OVCH1: variants seen among roughly 807,000 people sequenced by gnomAD.
OVCH1 encodes ovochymase 1, also known as ovochymase-1.
A neutral mutation model predicts 138.4 loss-of-function variants in OVCH1; 139 were observed. The ratio of observed to expected loss-of-function variants is 1.00; its 90% CI spans 0.87 to 1.16. The LOEUF (loss-of-function observed/expected upper bound fraction) is 1.16. Ranked by LOEUF, OVCH1 falls within the 50% of genes most tolerant of loss-of-function variation. The pLI is 0.00. For synonymous variants in OVCH1, 453 were observed against 467.8 expected (o/e 0.97, Z 0.41); for missense variants, 1,367 against 1,357.9 (o/e 1.01, Z -0.11).
At chr12:29,482,308 T>C (rs895511496) in intron 8 of OVCH1, among the ~76,000 whole-genome samples, 16 of 152,130 alleles carry the variant, frequency 1.1e-4, no homozygotes, top group Non-Finnish European at 1.8e-4. Flanking sequence ...CTTTCCAAAA[T>C]GATCATATAA....
chr12:29,407,699 G>A (rs1007157620), downstream of OVCH1, among the ~76,000 whole-genome samples: 54 of 152,038 alleles, frequency 3.6e-4, no homozygotes, highest in Non-Finnish European at 6.6e-4. Context: ...ATGCTGTTTT[G>A]GTTACTGTAG....
chr12:29,453,489 T>C (rs1941856328), intron 21 of OVCH1, among the ~76,000 whole-genome samples: 1 of 152,108 alleles, frequency 6.6e-6, no homozygotes, highest in African/African-American at 2.4e-5. Context: ...CCCTAGACAC[T>C]TGATCAGTAG....
intron 22 of OVCH1, among the ~76,000 whole-genome samples, chr12:29,449,276 T>TACACACAC (rs10651165): frequency 1.7e-3 from 227 of 137,436 alleles, no homozygotes; most frequent in African/African-American, 3.6e-3. Flanking sequence ...CCCCCCTCCC[T>TACACACAC]ACACACACAC....
At chr12:29,472,636 G>A (rs1942552781) in intron 15 of OVCH1, among the ~76,000 whole-genome samples, 1 of 152,184 alleles carries the variant, frequency 6.6e-6, no homozygotes, top group Non-Finnish European at 1.5e-5. Flanking sequence ...GTGGAACAAT[G>A]AGGGATCATA....
Position 29,487,714 on chromosome 12 carries a change from T to TA in OVCH1, c.870dup (p.Ile291TyrfsTer52), listed in dbSNP as rs759534996. 334 of 1,599,370 alleles carry TA rather than the reference T, an allele frequency of 2.1e-4. No individual in the cohort carries two copies. Among genetic ancestry groups the TA allele is most frequent in the Non-Finnish European group, 2.6e-4 (307 of 1,171,556 alleles). On this transcript the variant is annotated frameshift_variant, in exon 7 of 28. Coordinates refer to ENST00000318184, the Ensembl canonical transcript of OVCH1. LOFTEE classifies it high-confidence loss of function. ...CTACCTGTGAACAGGTTTTGAGTGA[T>TA]AAAATCCATCAACTCAGACACTTTG... is the stretch of plus-strand genomic sequence containing the variant.
intron 5 of OVCH1, among the ~76,000 whole-genome samples, chr12:29,490,413 ATTG>A (rs1340330421): frequency 1.3e-5 from 2 of 152,190 alleles, no homozygotes; most frequent in South Asian, 2.1e-4. Flanking sequence ...ATCACAATGT[ATTG>A]TTGTCAAGCT....
chr12:29,424,887 A>C (rs1430968451), downstream of OVCH1, among the ~76,000 whole-genome samples: 1 of 152,250 alleles, frequency 6.6e-6, no homozygotes, highest in African/African-American at 2.4e-5. Flanking sequence ...AAACCTCAGC[A>C]AAATTTTTAC....
At chr12:29,431,145 T>C (rs919692209) in intron 27 of OVCH1, among the ~76,000 whole-genome samples, 2 of 152,070 alleles carry the variant, frequency 1.3e-5, no homozygotes, top group African/African-American at 4.8e-5. Context: ...AAGGAGGAGA[T>C]AAAAAGTTGT....
intron 5 of OVCH1, among the ~76,000 whole-genome samples, chr12:29,490,242 AT>A (rs1215143426): frequency 6.6e-6 from 1 of 151,486 alleles, no homozygotes; most frequent in Non-Finnish European, 1.5e-5. Context: ...TTTATTTTTT[AT>A]TTATTTATTT....
intron 27 of OVCH1, chr12:29,433,608 AC>A: frequency 1.3e-6 from 1 of 790,572 alleles, no homozygotes; most frequent in Non-Finnish European, 1.8e-6. Flanking sequence ...TATGGCAGGG[AC>A]TGTCTTGTTC....
chr12:29,483,107 C>T (rs1942986009), intron 8 of OVCH1, among the ~76,000 whole-genome samples: 1 of 152,180 alleles, frequency 6.6e-6, no homozygotes, highest in African/African-American at 2.4e-5. Context: ...CCTCTTCAGT[C>T]TTCTTTGGAT....
intron 8 of OVCH1, among the ~76,000 whole-genome samples, chr12:29,483,090 C>T (rs1942985235): frequency 6.6e-6 from 1 of 152,164 alleles, no homozygotes; most frequent in South Asian, 2.1e-4. Flanking sequence ...CAAGACACTT[C>T]CCTCCTCCTC....
chr12:29,411,785 T>C (rs12372568), downstream of OVCH1, among the ~76,000 whole-genome samples: 82,173 of 147,388 alleles, frequency 0.56, 25,081 homozygotes, highest in Middle Eastern at 0.77. Flanking sequence ...GCAGTCTGCC[T>C]GTTCTCAGAT....
chr12:29,473,964 T>A (rs1942605443), intron 14 of OVCH1, among the ~76,000 whole-genome samples: 1 of 152,004 alleles, frequency 6.6e-6, no homozygotes, highest in African/African-American at 2.4e-5. Flanking sequence ...GGACTCCAAG[T>A]TCTTCAGTTT....
At chr12:29,477,404 C>T in exon 11 of OVCH1, 1 of 1,613,992 alleles carries the variant, frequency 6.2e-7, no homozygotes, top group Non-Finnish European at 8.5e-7. Flanking sequence ...TCTTCTGTAT[C>T]AGAAACAAAT....
chr12:29,483,490 A>G (rs943389821), intron 8 of OVCH1, among the ~76,000 whole-genome samples: 6 of 152,200 alleles, frequency 3.9e-5, no homozygotes, highest in African/African-American at 1.4e-4. Flanking sequence ...TGAAAGTTAT[A>G]ATCTTTCCAT....
chr12:29,461,701 A>C, intron 19 of OVCH1, 153 bp downstream of exon 19: 1 of 962,206 alleles, frequency 1.0e-6, no homozygotes, highest in Non-Finnish European at 1.6e-6. Context: ...TAATTAACTT[A>C]TTACTTCTGT....
downstream of OVCH1, among the ~76,000 whole-genome samples, chr12:29,412,288 G>A (rs1940969976): frequency 6.6e-6 from 1 of 152,004 alleles, no homozygotes; most frequent in Admixed American, 6.6e-5. Flanking sequence ...CTCTGCTTCG[G>A]CTCACGCACG....
chr12:29,449,488 C>A (rs1197571497), intron 22 of OVCH1, among the ~76,000 whole-genome samples: 1 of 151,980 alleles, frequency 6.6e-6, no homozygotes, highest in Non-Finnish European at 1.5e-5. Flanking sequence ...TGCTTTCTAT[C>A]CATGACCATG....
Sources: allele counts gnomAD v4.1 joint callset (sites outside exome capture counted in the v4.1 genomes callset), GRCh38; gene constraint gnomAD v4.1.1; transcripts MANE v1.5; gene names NCBI Gene and HGNC (gene_info 2026-07-23, HGNC 2026-07-21).